PRDM15: variants seen among roughly 807,000 people sequenced by gnomAD.
PRDM15 encodes PR/SET domain 15.
In PRDM15, 64 loss-of-function variants were observed where a neutral mutation model predicts 128.6. That is an observed-to-expected ratio of 0.50 (90% CI 0.41 to 0.61). The LOEUF is 0.61. Among genes scored for constraint, PRDM15 ranks in the 20% least tolerant of loss-of-function variants. The pLI is 0.00. For synonymous variants in PRDM15, 615 were observed against 621.8 expected (o/e 0.99, Z 0.16); for missense variants, 1,242 against 1,569.1 (o/e 0.79, Z 3.52).
intron 6 of PRDM15, among the ~76,000 whole-genome samples, chr21:41,840,974 A>C (rs2063058423): frequency 6.6e-6 from 1 of 152,240 alleles, no homozygotes; most frequent in South Asian, 2.1e-4. Context: ...AAGATTACCC[A>C]GAATGTAGAA....
Position 41,859,624 on chromosome 21 carries a change from C to G in PRDM15, c.99G>C (p.Met33Ile). 3 of 1,614,064 alleles carry G rather than the reference C, an allele frequency of 1.9e-6. No homozygotes were observed. The highest frequency in any genetic ancestry group is 2.5e-6 in the Non-Finnish European group (3 of 1,180,006). Residue 33 changes from methionine to isoleucine, a missense_variant, in exon 3 of 24, where the codon ATG becomes ATC. Coordinates refer to ENST00000398548, the MANE Select transcript of PRDM15 (RefSeq NM_001040424.3). This position sits in a 1 kb window ranked among gnomAD's most constrained non-coding sequence, Gnocchi z 5.3. The part of the protein sequence containing the change: ...SECPELGPVV[M>I]VKDSFVLSRA... Reference sequence around the variant, plus strand: ...TGCTTAACACAAAGGAGTCTTTGACCATGACCACTGGGCCCAGCTCGGGAC... The same window carrying G: ...TGCTTAACACAAAGGAGTCTTTGACGATGACCACTGGGCCCAGCTCGGGAC...
intron 22 of PRDM15, 109 bp downstream of exon 22, chr21:41,804,425 G>A: frequency 1.2e-6 from 1 of 817,872 alleles, no homozygotes; most frequent in Non-Finnish European, 2.0e-6. Context: ...CCTGGCCACA[G>A]GCTTGCCCAG....
chr21:41,803,259 C>T lies in PRDM15; in HGVS notation c.2734-338G>A, dbSNP rs1459049048. On this transcript the variant is annotated intron_variant, in intron 22 of 23. Transcript: ENST00000398548. ...TTTCTGCCCGGGTGAGCTGCTAGAG[C>T]AAGGCTGAAAATGCTTTCAAATCAG... 16 of 354,496 alleles carry T rather than the reference C, an allele frequency of 4.5e-5. No homozygotes were observed. In the South Asian group the frequency reaches 4.7e-4, roughly 10 times the overall value. The allele number at this position is 354,496 out of a possible 1,614,324, so 22.0% of individuals were successfully genotyped here.
In PRDM15 at chr21:41,821,834, G is replaced by A. The variant is rs1453103484; in HGVS notation, c.1896+69C>T. 16 of 1,577,712 alleles carry A rather than the reference G, an allele frequency of 1.0e-5. No homozygotes were observed. The highest frequency in any genetic ancestry group is 1.9e-4 in the Middle Eastern group (1 of 5,292). On this transcript the variant is annotated intron_variant, in intron 15 of 23. Coordinates refer to ENST00000398548, the MANE Select transcript of PRDM15 (RefSeq NM_001040424.3). This position sits in a 1 kb window ranked among gnomAD's most constrained non-coding sequence, Gnocchi z 5.4. ...TGCATGAAGGTGCCTGCTGTGTGGG[G>A]CCCACAGCCTTGAAACGACCACCTT...
At chr21:41,861,606 G>C in intron 1 of PRDM15, 1 of 1,613,866 alleles carries the variant, frequency 6.2e-7, no homozygotes, top group Non-Finnish European at 8.5e-7. Context: ...GCCCGTTGCT[G>C]AGTGGTTTAG....
chr21:41,849,268 A>G (rs1234727271), intron 5 of PRDM15, among the ~76,000 whole-genome samples: 4 of 152,182 alleles, frequency 2.6e-5, no homozygotes, highest in African/African-American at 9.7e-5. Context: ...AACTGTAGAC[A>G]CTCAAAAGTC....
intron 18 of PRDM15, among the ~76,000 whole-genome samples, chr21:41,816,565 T>C (rs2062060262): frequency 6.6e-6 from 1 of 152,204 alleles, no homozygotes; most frequent in Non-Finnish European, 1.5e-5. Flanking sequence ...CCGTGTTCCC[T>C]CCACATTTGG....
In PRDM15 at chr21:41,828,047, A is replaced by T; in HGVS notation, c.1534+119T>A. ...CATCGGATGGCGGGCGTTTCCAGGC[A>T]AAGGAGCAGGCGGCACCGAACTGCT... On this transcript the variant is annotated intron_variant, in intron 12 of 23. Coordinates refer to ENST00000398548, the MANE Select transcript of PRDM15 (RefSeq NM_001040424.3). This position sits in a 1 kb window ranked among gnomAD's most constrained non-coding sequence, Gnocchi z 5.7. The T allele has an allele frequency of 9.9e-7, 1 of 1,012,554 alleles. No homozygotes were observed. The allele number at this position is 1,012,554 out of a possible 1,614,324, so 62.7% of individuals were successfully genotyped here.
rs960606732 is a variant in PRDM15, at chr21:41,862,305, C to A, written c.-9-1933G>T. On this transcript the variant is annotated intron_variant, in intron 1 of 23. Coordinates refer to ENST00000398548, the MANE Select transcript of PRDM15 (RefSeq NM_001040424.3). This position sits in a 1 kb window ranked among gnomAD's most constrained non-coding sequence, Gnocchi z 4.1. ...AGAGTCCCAACAAAGGTATTGGAAT[C>A]GGAGTGGGAGGATGGAAGGAAGTCG... Among the ~76,000 whole-genome samples the A allele has an allele frequency of 4.6e-5, 7 of 152,148 alleles. No individual in the cohort carries two copies. The highest frequency in any genetic ancestry group is 1.7e-4 in the African/African-American group (7 of 41,446).
At chr21:41,815,973 C>A in intron 18 of PRDM15, 137 bp from the exon 19 acceptor site, 4 of 1,081,952 alleles carry the variant, frequency 3.7e-6, no homozygotes, top group Non-Finnish European at 5.3e-6. Context: ...CCCGAGGATC[C>A]CGGTCAGTCC....
intron 1 of PRDM15, chr21:41,862,000 C>T (rs777142756): frequency 6.2e-7 from 1 of 1,612,458 alleles, no homozygotes; most frequent in Non-Finnish European, 8.5e-7. Flanking sequence ...CCTTGCCTGC[C>T]CCAGTTCCTG....
At chr21:41,829,439 CAAAT>C (rs1464101113) in intron 11 of PRDM15, among the ~76,000 whole-genome samples, 9 of 151,872 alleles carry the variant, frequency 5.9e-5, no homozygotes, top group Non-Finnish European at 4.4e-5. Context: ...ACAGAAGCCA[CAAAT>C]ACTCAACACA....
chr21:41,817,964 C>T (rs1032031610), intron 18 of PRDM15, among the ~76,000 whole-genome samples: 1 of 152,244 alleles, frequency 6.6e-6, no homozygotes, highest in South Asian at 2.1e-4. Context: ...CTTTACCCCA[C>T]ACCCCTTGCC....
intron 22 of PRDM15, chr21:41,803,186 C>T (rs956668496): frequency 2.4e-5 from 12 of 504,204 alleles, no homozygotes; most frequent in African/African-American, 2.3e-4. Flanking sequence ...GTAAACACTT[C>T]TTAGAAACTT....
At chr21:41,818,882 T>G (rs990449155) in intron 18 of PRDM15, among the ~76,000 whole-genome samples, 2 of 152,222 alleles carry the variant, frequency 1.3e-5, no homozygotes, top group African/African-American at 4.8e-5. Flanking sequence ...GGTTTGTTAT[T>G]AATGAATGTT....
intron 6 of PRDM15, among the ~76,000 whole-genome samples, chr21:41,843,541 C>T (rs532397531): frequency 6.6e-6 from 1 of 152,300 alleles, no homozygotes; most frequent in East Asian, 1.9e-4. Context: ...ACTTCTGAGC[C>T]CCACCTTTCC....
At chr21:41,835,335 T>C in intron 11 of PRDM15, 102 bp downstream of exon 11, 5 of 972,724 alleles carry the variant, frequency 5.1e-6, no homozygotes, top group Non-Finnish European at 8.1e-6. Context: ...TGTCTATTCA[T>C]GAAAACAATC....
chr21:41,847,263 C>A (rs779761083), intron 5 of PRDM15, 72 bp from the exon 6 acceptor site: 20 of 1,094,992 alleles, frequency 1.8e-5, no homozygotes, highest in South Asian at 8.9e-5. Flanking sequence ...CCCGGCGCAG[C>A]GGAGGAGGGG....
intron 21 of PRDM15, among the ~76,000 whole-genome samples, chr21:41,805,117 A>G (rs1056418652): frequency 5.9e-5 from 9 of 152,150 alleles, no homozygotes; most frequent in African/African-American, 1.9e-4. Context: ...CTTCCCTCCA[A>G]TGGCCCCACT....
Sources: gnomAD v4.1 joint callset for allele counts (sites outside exome capture counted in the v4.1 genomes callset) on GRCh38, gnomAD v4.1.1 for gene constraint, Gnocchi (gnomAD v3.1) non-coding constraint, MANE v1.5 for transcripts, NCBI Gene and HGNC (gene_info 2026-07-23, HGNC 2026-07-21) for gene names.